KITLG: variants seen among roughly 807,000 people sequenced by gnomAD.
The protein encoded by KITLG is KIT ligand.
A neutral mutation model predicts 34.1 loss-of-function variants in KITLG; 13 were observed. The observed-to-expected ratio is 0.38, with a 90% CI of 0.25 to 0.61. The LOEUF (loss-of-function observed/expected upper bound fraction) is 0.61. KITLG is among the 20% of genes least tolerant of loss of function. The pLI is 0.60. For missense variants in KITLG, 292 were observed against 318.9 expected, an observed-to-expected ratio of 0.92 and a Z score of 0.64; for synonymous variants, 110 against 104.0, an observed-to-expected ratio of 1.06 and a Z score of -0.35.
chr12:88,522,705 G>A (rs1869719732), intron 3 of KITLG, among the ~76,000 whole-genome samples: 1 of 152,098 alleles, frequency 6.6e-6, no homozygotes, highest in South Asian at 2.1e-4. Flanking sequence ...TGGGATTACA[G>A]GAGTGAGCCA....
intron 3 of KITLG, among the ~76,000 whole-genome samples, chr12:88,519,872 C>T (rs1409259320): frequency 6.6e-6 from 1 of 152,146 alleles, no homozygotes; most frequent in Non-Finnish European, 1.5e-5. Context: ...AATCCTCCCT[C>T]CTCAGCATTC....
intron 2 of KITLG, chr12:88,534,908 A>G: frequency 3.7e-6 from 1 of 268,606 alleles, no homozygotes; most frequent in Non-Finnish European, 7.2e-6. Flanking sequence ...GCAGATGTGA[A>G]AGCGATAAGT....
intron 1 of KITLG, among the ~76,000 whole-genome samples, chr12:88,550,513 T>G (rs1200403054): frequency 6.6e-6 from 1 of 152,196 alleles, no homozygotes; most frequent in Admixed American, 6.5e-5. Flanking sequence ...ATTCCATGAA[T>G]AGAGCTAAAA....
chr12:88,501,767 T>G (rs55893634), intron 9 of KITLG, among the ~76,000 whole-genome samples: 4 of 152,238 alleles, frequency 2.6e-5, no homozygotes, highest in Non-Finnish European at 5.9e-5. Flanking sequence ...AGTTTATTTC[T>G]GTTTTTATTT....
At chr12:88,513,842 C>G (rs994744195) in intron 6 of KITLG, among the ~76,000 whole-genome samples, 1 of 151,458 alleles carries the variant, frequency 6.6e-6, no homozygotes, top group African/African-American at 2.4e-5. Context: ...TCCCTTTTCT[C>G]AATAATTAAT....
intron 9 of KITLG, among the ~76,000 whole-genome samples, chr12:88,501,973 T>C (rs931146037): frequency 1.3e-5 from 2 of 152,184 alleles, no homozygotes; most frequent in African/African-American, 4.8e-5. Context: ...GCACAAAATG[T>C]TCATTTAGGT....
At chr12:88,500,225 C>A (rs772491448) in intron 9 of KITLG, among the ~76,000 whole-genome samples, 5 of 152,214 alleles carry the variant, frequency 3.3e-5, no homozygotes, top group Admixed American at 6.5e-5. Flanking sequence ...CCACCACTTA[C>A]AAAGTGAAGC....
At chr12:88,559,830 C>T (rs1217421615) in intron 1 of KITLG, among the ~76,000 whole-genome samples, 1 of 152,138 alleles carries the variant, frequency 6.6e-6, no homozygotes, top group Non-Finnish European at 1.5e-5. Context: ...GGGACAAGTT[C>T]CTCTGGTAAC....
intron 3 of KITLG, 55 bp downstream of exon 3, chr12:88,532,386 A>C: frequency 8.1e-7 from 1 of 1,236,752 alleles, no homozygotes; most frequent in South Asian, 1.2e-5. Flanking sequence ...AATATGAATG[A>C]TCCCATTTCT....
chr12:88,559,392 C>T (rs1039046234), intron 1 of KITLG, among the ~76,000 whole-genome samples: 11 of 152,320 alleles, frequency 7.2e-5, no homozygotes, highest in Admixed American at 5.9e-4. Flanking sequence ...GCAGTAACAG[C>T]TTTCTGCACT....
chr12:88,561,484 G>A (rs964799015), intron 1 of KITLG, among the ~76,000 whole-genome samples: 1 of 152,094 alleles, frequency 6.6e-6, no homozygotes, highest in African/African-American at 2.4e-5. Flanking sequence ...TACAACTTTA[G>A]CTTGTGCTAA....
intron 9 of KITLG, among the ~76,000 whole-genome samples, chr12:88,499,586 T>C (rs1455593067): frequency 2.0e-5 from 3 of 152,206 alleles, no homozygotes; most frequent in Non-Finnish European, 4.4e-5. Context: ...CTGACTGTTA[T>C]CTGAAGTTCC....
intron 1 of KITLG, among the ~76,000 whole-genome samples, chr12:88,563,463 C>A (rs1283603197): frequency 1.3e-5 from 2 of 152,170 alleles, no homozygotes; most frequent in Non-Finnish European, 2.9e-5. Flanking sequence ...AACAGAAAGT[C>A]GCATGCCAGA....
intron 1 of KITLG, among the ~76,000 whole-genome samples, chr12:88,556,047 G>T (rs906343099): frequency 2.0e-5 from 3 of 151,962 alleles, no homozygotes; most frequent in Non-Finnish European, 2.9e-5. Context: ...GATAGTTTCT[G>T]GGGGGAGAAG....
At chr12:88,578,974 C>A (rs1871920123) in intron 1 of KITLG, among the ~76,000 whole-genome samples, 1 of 152,300 alleles carries the variant, frequency 6.6e-6, no homozygotes, top group African/African-American at 2.4e-5. Context: ...TGAAAGCTAA[C>A]CTGCTTGTAA....
intron 2 of KITLG, among the ~76,000 whole-genome samples, chr12:88,533,590 C>A (rs1316177030): frequency 6.6e-6 from 1 of 152,154 alleles, no homozygotes; most frequent in Non-Finnish European, 1.5e-5. Flanking sequence ...TGACTTAGAC[C>A]ATTGGGTATT....
intron 3 of KITLG, among the ~76,000 whole-genome samples, chr12:88,525,444 A>T (rs1213349393): frequency 6.6e-6 from 1 of 152,198 alleles, no homozygotes; most frequent in East Asian, 1.9e-4. Flanking sequence ...GAGCGACTAT[A>T]TGCATTGGAT....
Position 88,497,121 on chromosome 12 carries a change from A to G in KITLG, c.*98T>C, listed in dbSNP as rs1324962018. 2.2e-6 allele frequency: 1 copy of G among 448,822 alleles called. No homozygotes were observed. Among genetic ancestry groups the G allele is most frequent in the Non-Finnish European group, 4.5e-6 (1 of 223,500 alleles). 27.8% of individuals were successfully genotyped at this position (448,822 alleles called of 1,614,324 possible). Reference sequence around the variant, plus strand: ...ATAAAGATGTGGTCTGTCACTCCAGACAGAATATGAATTTGTTTAAAGCTG... The same window carrying G: ...ATAAAGATGTGGTCTGTCACTCCAGGCAGAATATGAATTTGTTTAAAGCTG... On this transcript the variant is annotated 3_prime_UTR_variant, in exon 10 of 10. Coordinates refer to ENST00000644744, the MANE Select transcript of KITLG (RefSeq NM_000899.5).
Position 88,494,077 on chromosome 12 carries a change from A to G in KITLG, c.*3142T>C, listed in dbSNP as rs924751763. The G allele has an allele frequency of 1.3e-5, 2 of 151,866 alleles. No individual in the cohort carries two copies. Among genetic ancestry groups the G allele is most frequent in the African/African-American group, 4.8e-5 (2 of 41,414 alleles). 9.4% of individuals were successfully genotyped at this position (151,866 alleles called of 1,614,324 possible). On this transcript the variant is annotated 3_prime_UTR_variant, in exon 10 of 10. Transcript: ENST00000644744. ...ATTGCAATAGGACTCACCCCTAAGG[A>G]GTGATCTCTGAGTTTACCATATAGA...
Sources: gnomAD v4.1 joint callset for allele counts (sites outside exome capture counted in the v4.1 genomes callset) on GRCh38, gnomAD v4.1.1 for gene constraint, MANE v1.5 for transcripts, NCBI Gene and HGNC (gene_info 2026-07-23, HGNC 2026-07-21) for gene names.